Variants in RC3H2 observed in about 807,000 individuals in gnomAD.
The protein encoded by RC3H2 is ring finger and CCCH-type domains 2.
Under a neutral mutation model 133.3 loss-of-function variants are expected in RC3H2, and 31 were observed. That is an observed-to-expected ratio of 0.23 (90% confidence interval 0.17 to 0.31). RC3H2 has a LOEUF of 0.31. Among genes scored for constraint, RC3H2 ranks in the 10% least tolerant of loss-of-function variants. RC3H2 has a pLI of 1.00. For synonymous variants in RC3H2, 517 were observed against 502.2 expected (o/e 1.03, Z -0.40); for missense variants, 1,175 against 1,437.2 (o/e 0.82, Z 2.95).
In RC3H2 at chr9:122,851,048, C is replaced by T. The variant is rs773492356; in HGVS notation, c.3380+33G>A. On this transcript the variant is annotated intron_variant, in intron 20 of 20. Transcript: ENST00000357244. Reference sequence around the variant, plus strand: ...TTTTTCTCTTTATTATGTCCTATGCCCACTGTTTATGAATTTTCTGTCTAA... The same window carrying T: ...TTTTTCTCTTTATTATGTCCTATGCTCACTGTTTATGAATTTTCTGTCTAA... 1.8e-5 allele frequency: 29 copies of T among 1,611,524 alleles called. No individual in the cohort carries two copies. The South Asian group carries it at 2.5e-4, about 14-fold the overall frequency.
intron 4 of RC3H2, among the ~76,000 whole-genome samples, chr9:122,884,839 G>A (rs1250504871): frequency 2.1e-5 from 3 of 144,320 alleles, no homozygotes; most frequent in Admixed American, 7.1e-5. Context: ...GCGACATAGC[G>A]AAAGTCCGTC....
intron 12 of RC3H2, 81 bp downstream of exon 12, chr9:122,858,588 G>T: frequency 8.8e-7 from 1 of 1,136,832 alleles, no homozygotes; most frequent in Non-Finnish European, 1.3e-6. Flanking sequence ...AGTAAGTGGA[G>T]GAGCCAGGAT....
Position 122,852,230 on chromosome 9 carries a change from C to T in RC3H2, c.3118-794G>A, listed in dbSNP as rs1179163429. On this transcript the variant is annotated intron_variant, in intron 18 of 20. Coordinates refer to ENST00000357244, the MANE Select transcript of RC3H2 (RefSeq NM_001100588.3). ...GAGGAGCGTCTCTGCCCGGCCGCCC[C>T]GTCTGAGAAGTGAGGAGACCCTCCG... Among the ~76,000 whole-genome samples, 12 of 151,382 alleles carry T rather than the reference C, an allele frequency of 7.9e-5. No homozygotes were observed. The East Asian group carries it at 1.2e-3, about 15-fold the overall frequency.
At chr9:122,892,170 G>A (rs1292745609) in intron 3 of RC3H2, among the ~76,000 whole-genome samples, 2 of 151,244 alleles carry the variant, frequency 1.3e-5, no homozygotes, top group Non-Finnish European at 2.9e-5. Context: ...TGAGTGCAGT[G>A]GCACGATCAC....
Position 122,845,596 on chromosome 9 carries a change from G to A in RC3H2, c.*4031C>T, listed in dbSNP as rs1305424182. ...CTAGAAGGGAATAACTGCTCTTGGA[G>A]TAAAAATAAGACTCCACTCAAATGT... On this transcript the variant is annotated 3_prime_UTR_variant, in exon 21 of 21. Coordinates refer to ENST00000357244, the MANE Select transcript of RC3H2 (RefSeq NM_001100588.3). 2 of 152,148 alleles carry A rather than the reference G, an allele frequency of 1.3e-5. No homozygotes were observed. Among genetic ancestry groups the A allele is most frequent in the African/African-American group, 2.4e-5 (1 of 41,436 alleles). The allele number at this position is 152,148 out of a possible 1,614,324, so 9.4% of individuals were successfully genotyped here.
In RC3H2 at chr9:122,858,539, G is replaced by A. The variant is rs1588057845; in HGVS notation, c.2283+130C>T. On this transcript the variant is annotated intron_variant, in intron 12 of 20. Coordinates refer to ENST00000357244, the MANE Select transcript of RC3H2 (RefSeq NM_001100588.3). ...CCATCAAAGGAATGAAAGAACTGAG[G>A]CATAGGGAGGTCAAGTAACTTCCTT... The A allele has an allele frequency of 1.9e-5, 13 of 670,624 alleles. No homozygotes were observed. In the South Asian group the frequency reaches 2.3e-4, roughly 12 times the overall value. The allele number at this position is 670,624 out of a possible 1,614,324, so 41.5% of individuals were successfully genotyped here.
At chr9:122,855,539 C>T (rs1490050613) in intron 14 of RC3H2, 142 bp from the exon 15 acceptor site, 7 of 929,664 alleles carry the variant, frequency 7.5e-6, no homozygotes, top group Admixed American at 5.5e-5. Context: ...AACAAACTAC[C>T]AGTAAACCAC....
intron 5 of RC3H2, 51 bp from the exon 6 acceptor site, chr9:122,880,845 C>G (rs555273172): frequency 7.5e-7 from 1 of 1,340,878 alleles, no homozygotes; most frequent in African/African-American, 1.4e-5. Flanking sequence ...TTTCTCCCTT[C>G]AACTGATTCG....
intron 5 of RC3H2, among the ~76,000 whole-genome samples, chr9:122,882,091 TA>T (rs931352758): frequency 1.1e-4 from 16 of 149,280 alleles, no homozygotes; most frequent in African/African-American, 3.2e-4. Context: ...TCTGTTGCTT[TA>T]AAAAAAAAAT....
intron 18 of RC3H2, 133 bp from the exon 19 acceptor site, chr9:122,851,569 G>A (rs1347854493): frequency 4.3e-5 from 52 of 1,206,886 alleles, no homozygotes; most frequent in Non-Finnish European, 5.8e-5. Flanking sequence ...CTATACTGCT[G>A]CCATCTCGGC....
intron 8 of RC3H2, 91 bp downstream of exon 8, chr9:122,879,664 G>A (rs765980469): frequency 6.1e-6 from 5 of 821,050 alleles, no homozygotes; most frequent in Admixed American, 2.3e-5. Context: ...AGTCACATAC[G>A]GAGTCCAATT....
At chr9:122,883,164 C>T (rs751854697) in intron 5 of RC3H2, 40 bp downstream of exon 5, 2 of 1,571,356 alleles carry the variant, frequency 1.3e-6, no homozygotes, top group Non-Finnish European at 1.7e-6. Context: ...GTCTCTGTCT[C>T]ACAAACAGGC....
At chr9:122,869,955 T>C (rs79330329) in intron 9 of RC3H2, among the ~76,000 whole-genome samples, 2,440 of 152,292 alleles carry the variant, frequency 0.016, 33 homozygotes, top group South Asian at 0.065. Flanking sequence ...GAAGACAATC[T>C]GGTTGTCTGG....
chr9:122,888,937 G>A (rs1832046381), intron 4 of RC3H2, among the ~76,000 whole-genome samples: 1 of 152,178 alleles, frequency 6.6e-6, no homozygotes, highest in African/African-American at 2.4e-5. Flanking sequence ...GCATGCCCAT[G>A]ACTACTGGAT....
At chr9:122,875,361 G>T (rs999513069) in intron 9 of RC3H2, 2 of 1,548,584 alleles carry the variant, frequency 1.3e-6, no homozygotes, top group Non-Finnish European at 1.7e-6. Flanking sequence ...AGTCCACGGG[G>T]GTTACACTTA....
intron 9 of RC3H2, among the ~76,000 whole-genome samples, chr9:122,869,457 C>T (rs1173840100): frequency 6.6e-6 from 1 of 151,578 alleles, no homozygotes; most frequent in Admixed American, 6.6e-5. Flanking sequence ...TACACATTGG[C>T]AGAGGAAGGT....
At chr9:122,865,800 A>C in intron 9 of RC3H2, 143 bp from the exon 10 acceptor site, 1 of 645,732 alleles carries the variant, frequency 1.5e-6, no homozygotes. Flanking sequence ...AATCAAATAC[A>C]GTCTATATCA....
rs765904087 is a variant in RC3H2 at position 122,844,740 on chromosome 9, A to G, written c.*4887T>C. Reference sequence around the variant, plus strand: ...ACACAGAATTCACTCTTTGCTATTCACTATCATCACAACCCTCATTGTTCC... The same window carrying G: ...ACACAGAATTCACTCTTTGCTATTCGCTATCATCACAACCCTCATTGTTCC... On this transcript the variant is annotated 3_prime_UTR_variant, in exon 21 of 21. Coordinates refer to ENST00000357244, the MANE Select transcript of RC3H2 (RefSeq NM_001100588.3). 5.3e-5 allele frequency: 8 copies of G among 152,162 alleles called. No individual in the cohort carries two copies. The highest frequency in any genetic ancestry group is 1.0e-4 in the Non-Finnish European group (7 of 68,040). The allele number at this position is 152,162 out of a possible 1,614,324, so 9.4% of individuals were successfully genotyped here.
chr9:122,869,472 C>A (rs1830965583), intron 9 of RC3H2, among the ~76,000 whole-genome samples: 1 of 151,734 alleles, frequency 6.6e-6, no homozygotes. Flanking sequence ...GAAGGTGATG[C>A]TCAATAAAAG....
Sources: gnomAD v4.1 joint callset for allele counts (sites outside exome capture counted in the v4.1 genomes callset) on GRCh38, gnomAD v4.1.1 for gene constraint, MANE v1.5 for transcripts, NCBI Gene and HGNC (gene_info 2026-07-23, HGNC 2026-07-21) for gene names.